C9orf43: variants seen among roughly 807,000 people sequenced by gnomAD.
C9orf43 encodes the protein uncharacterized protein C9orf43.
Under a neutral mutation model 59.1 loss-of-function variants are expected in C9orf43, and 45 were observed. The observed-to-expected ratio is 0.76, with a 90% CI of 0.60 to 0.98. C9orf43 has a LOEUF of 0.98. Ranked by LOEUF, C9orf43 falls within the 50% of genes least tolerant of loss-of-function variation. The pLI is 0.00. For synonymous variants in C9orf43, 203 were observed against 196.8 expected (o/e 1.03, Z -0.26); for missense variants, 533 against 554.9 (o/e 0.96, Z 0.40).
At position 113,423,372 on chromosome 9, in the gene C9orf43, C is replaced by G; in HGVS notation, c.530C>G (p.Thr177Arg). The G allele has an allele frequency of 1.2e-6, 2 of 1,614,126 alleles. No homozygotes were observed. The highest frequency in any genetic ancestry group is 1.7e-6 in the Non-Finnish European group (2 of 1,179,992). ...LGLSGNQSAG[T>R]RVGTPGMIVP... The stretch of plus-strand genomic sequence containing the variant: ...CTCTCTGGAAATCAGTCCGCAGGAA[C>G]ACGAGTAGGAACACCAGGGATGATC... The change falls in exon 7 of 14, where the codon ACA (threonine) becomes AGA (arginine). Residue 177 changes from threonine to arginine, a missense_variant. Coordinates refer to ENST00000374165, the MANE Select transcript of C9orf43 (RefSeq NM_001278629.2).
Position 113,410,858 on chromosome 9 carries a change from C to G in C9orf43, c.-193C>G, listed in dbSNP as rs573976143. On this transcript the variant is annotated 5_prime_UTR_variant, in exon 1 of 14. Coordinates refer to ENST00000374165, the MANE Select transcript of C9orf43 (RefSeq NM_001278629.2). ...CCTAAGCGGTTTGGAATCTGCTTTGCTCTCACAGGACCTCAGCCCGTCGTG... is the reference window on the plus strand; with the variant it reads ...CCTAAGCGGTTTGGAATCTGCTTTGGTCTCACAGGACCTCAGCCCGTCGTG... 1.3e-6 allele frequency: 1 copy of G among 798,122 alleles called. No homozygotes were observed. Among genetic ancestry groups the G allele is most frequent in the South Asian group, 5.5e-5 (1 of 18,282 alleles). 49.4% of individuals were successfully genotyped at this position (798,122 alleles called of 1,614,324 possible). A position where few individuals can be genotyped will look rare whatever the true frequency, so the allele number is the denominator to read the frequency against.
chr9:113,422,829 C>CA (rs1270342029), intron 6 of C9orf43, among the ~76,000 whole-genome samples: 1 of 151,962 alleles, frequency 6.6e-6, no homozygotes, highest in Non-Finnish European at 1.5e-5. Context: ...GTTGCGTGTT[C>CA]AGGGGGGGAG....
At chr9:113,423,608 C>G in intron 7 of C9orf43, 110 bp downstream of exon 7, 1 of 1,042,628 alleles carries the variant, frequency 9.6e-7, no homozygotes, top group South Asian at 1.6e-5. Context: ...AAAACTATCA[C>G]CCCGATTTGT....
intron 1 of C9orf43, among the ~76,000 whole-genome samples, chr9:113,412,211 A>G (rs1263324029): frequency 6.6e-6 from 1 of 152,230 alleles, no homozygotes; most frequent in Non-Finnish European, 1.5e-5. Flanking sequence ...GCTCAGCGCT[A>G]GTCAGTTGCT....
rs777377384 is a variant in C9orf43, at chr9:113,419,140, T to G, written c.320T>G (p.Ile107Ser). 2 of 1,610,296 alleles carry G rather than the reference T, an allele frequency of 1.2e-6. No homozygotes were observed. The highest frequency in any genetic ancestry group is 4.5e-5 in the East Asian group (2 of 44,786). ...PPKGLPDKSL[I>S]NCTNRLPKFP... Reference sequence around the variant, plus strand: ...AAGGGTTTACCTGACAAAAGTTTGATCAACTGTACTAACAGACTTCCCAAA... The same window carrying G: ...AAGGGTTTACCTGACAAAAGTTTGAGCAACTGTACTAACAGACTTCCCAAA... Residue 107 changes from isoleucine (I) to serine (S), a missense_variant, in exon 4 of 14, where the codon ATC (isoleucine) becomes AGC (serine). Transcript: ENST00000374165.
intron 1 of C9orf43, among the ~76,000 whole-genome samples, chr9:113,412,094 C>A (rs1427808632): frequency 6.6e-6 from 1 of 152,088 alleles, no homozygotes; most frequent in East Asian, 1.9e-4. Flanking sequence ...AACAAAAGAG[C>A]AAATGCTATG....
Position 113,425,401 on chromosome 9 carries a change from A to G in C9orf43, c.923A>G (p.Lys308Arg). Residue 308 changes from lysine (K) to arginine (R), a missense_variant, in exon 10 of 14, where the codon AAA (lysine) becomes AGA (arginine). By Grantham distance (26) the Lys-to-Arg change is conservative. Transcript: ENST00000374165. ...QQQQQQQKKV[K>R]TPIKKQEAKK... The stretch of plus-strand genomic sequence containing the variant: ...CAGCAGCAGCAACAGAAGAAGGTGA[A>G]AACACCTATTAAGAAACAGGTAGAG... 4.3e-6 allele frequency: 7 copies of G among 1,614,018 alleles called. No homozygotes were observed. Among genetic ancestry groups the G allele is most frequent in the Non-Finnish European group, 5.9e-6 (7 of 1,179,958 alleles).
chr9:113,418,742 A>G (rs967589670), intron 3 of C9orf43, among the ~76,000 whole-genome samples: 14 of 152,218 alleles, frequency 9.2e-5, no homozygotes, highest in African/African-American at 3.4e-4. Context: ...GCTGAATGAT[A>G]TTCTATTGTA....
chr9:113,419,728 C>A (rs149919155), intron 4 of C9orf43, among the ~76,000 whole-genome samples: 21 of 152,236 alleles, frequency 1.4e-4, no homozygotes, highest in African/African-American at 5.1e-4. Context: ...GTTGCAATTG[C>A]AGTTTGAAGA....
chr9:113,422,526 T>C, intron 5 of C9orf43, 23 bp from the exon 6 acceptor site: 1 of 1,613,234 alleles, frequency 6.2e-7, no homozygotes, highest in African/African-American at 1.3e-5. Context: ...TGTTTTGTTT[T>C]GTTTTGTTTT....
chr9:113,423,482 C>T lies in C9orf43; in HGVS notation c.640C>T (p.Gln214Ter), dbSNP rs768680450. The T allele has an allele frequency of 1.2e-5, 19 of 1,613,554 alleles. No homozygotes were observed. The South Asian group carries it at 1.9e-4, about 16-fold the overall frequency. ...PLWAQSEALP[Q>*]DLLKELLPGG... ...CTGGGCTCAATCCGAAGCGTTACCTCAGGATCTACTGAAGGAGTAAGTATC... is the reference window on the plus strand; with the variant it reads ...CTGGGCTCAATCCGAAGCGTTACCTTAGGATCTACTGAAGGAGTAAGTATC... The change falls in exon 7 of 14, where the codon CAG becomes TAG. Residue 214 changes from glutamine to a stop codon, truncating the protein, a stop_gained. Coordinates refer to ENST00000374165, the MANE Select transcript of C9orf43 (RefSeq NM_001278629.2). LOFTEE classifies it high-confidence loss of function.
chr9:113,425,245 T>G, intron 9 of C9orf43, 99 bp from the exon 10 acceptor site: 2 of 1,573,008 alleles, frequency 1.3e-6, no homozygotes, highest in Non-Finnish European at 1.7e-6. Flanking sequence ...GGCTTGGTCC[T>G]TACCAGGGAG....
chr9:113,428,369 CTT>C (rs368326793), intron 12 of C9orf43, 146 bp downstream of exon 12: 4 of 839,412 alleles, frequency 4.8e-6, no homozygotes, highest in African/African-American at 1.7e-5. Flanking sequence ...CTTGAGGTCA[CTT>C]AATGCAGCTG....
intron 4 of C9orf43, among the ~76,000 whole-genome samples, chr9:113,420,169 T>C (rs1357122381): frequency 6.6e-6 from 1 of 152,126 alleles, no homozygotes; most frequent in Non-Finnish European, 1.5e-5. Flanking sequence ...TCATGGCTCA[T>C]TGTAGCCTCA....
chr9:113,418,007 T>C (rs1396348284), intron 3 of C9orf43, among the ~76,000 whole-genome samples: 20 of 152,144 alleles, frequency 1.3e-4, no homozygotes. Context: ...TTTTAAAAAA[T>C]AAGAAAAATA....
At chr9:113,419,316 T>TA in intron 4 of C9orf43, 151 bp downstream of exon 4, 1 of 610,640 alleles carries the variant, frequency 1.6e-6, no homozygotes, top group Non-Finnish European at 2.8e-6. Flanking sequence ...GCCCTTCCTG[T>TA]ATGCTAGACT....
intron 3 of C9orf43, among the ~76,000 whole-genome samples, chr9:113,418,293 A>G (rs113092630): frequency 0.041 from 6,226 of 152,272 alleles, 163 homozygotes; most frequent in South Asian, 0.1. Flanking sequence ...CCTGTTCTAA[A>G]TACCTCATGT....
At chr9:113,413,930 G>A (rs1201632610) in intron 3 of C9orf43, 36 bp downstream of exon 3, 1 of 1,573,636 alleles carries the variant, frequency 6.4e-7, no homozygotes, top group Non-Finnish European at 8.6e-7. Flanking sequence ...ACAGCCTATT[G>A]TCTCAAAATT....
Position 113,425,440 on chromosome 9 carries a change from C to T in C9orf43, c.942+20C>T. The T allele has an allele frequency of 1.2e-6, 2 of 1,605,658 alleles. No individual in the cohort carries two copies. Among genetic ancestry groups the T allele is most frequent in the Non-Finnish European group, 1.7e-6 (2 of 1,175,648 alleles). On this transcript the variant is annotated intron_variant, in intron 10 of 13. Coordinates refer to ENST00000374165, the MANE Select transcript of C9orf43 (RefSeq NM_001278629.2). ...AAACAGGTAGAGTGGCAGTGAGGGG[C>T]TTGCTGGGACTGGGAGAGGTCTACA...
Sources: gnomAD v4.1 joint callset for allele counts (sites outside exome capture counted in the v4.1 genomes callset) on GRCh38, gnomAD v4.1.1 for gene constraint, MANE v1.5 for transcripts, NCBI Gene and HGNC (gene_info 2026-07-23, HGNC 2026-07-21) for gene names.